SGCZ: variants seen among roughly 807,000 people sequenced by gnomAD.
SGCZ encodes the protein sarcoglycan zeta, also known as zeta-sarcoglycan.
A neutral mutation model predicts 41.3 loss-of-function variants in SGCZ; 40 were observed. That is an observed-to-expected ratio of 0.97 (90% CI 0.75 to 1.26). SGCZ has a LOEUF of 1.26. Ranked by LOEUF, SGCZ falls within the 50% of genes most tolerant of loss-of-function variation. The pLI, the probability that SGCZ is intolerant of heterozygous loss-of-function variation, is 0.00. For missense variants in SGCZ, 552 were observed against 369.8 expected, an observed-to-expected ratio of 1.49 and a Z score of -4.04; for synonymous variants, 206 against 137.5, an observed-to-expected ratio of 1.50 and a Z score of -3.49.
chr8:14,599,514 A>T (rs1805519917), intron 1 of SGCZ, among the ~76,000 whole-genome samples: 2 of 152,044 alleles, frequency 1.3e-5, no homozygotes, highest in South Asian at 4.1e-4. Context: ...TTCTCTAGTC[A>T]ATTTACCCTT....
At chr8:14,752,529 G>A (rs889519930) in intron 1 of SGCZ, among the ~76,000 whole-genome samples, 5 of 151,808 alleles carry the variant, frequency 3.3e-5, no homozygotes, top group African/African-American at 1.2e-4. Flanking sequence ...TCATTATCTA[G>A]CCCAATTGGT....
chr8:14,409,878 T>C (rs549314928), intron 2 of SGCZ, among the ~76,000 whole-genome samples: 1 of 152,290 alleles, frequency 6.6e-6, no homozygotes, highest in South Asian at 2.1e-4. Context: ...TTTATACACA[T>C]AATAAATATG....
At chr8:15,204,373 T>C (rs1800994313) in intron 1 of SGCZ, among the ~76,000 whole-genome samples, 1 of 152,190 alleles carries the variant, frequency 6.6e-6, no homozygotes, top group Non-Finnish European at 1.5e-5. Flanking sequence ...TTAAAGGTAC[T>C]TTAGATAGGA....
intron 1 of SGCZ, among the ~76,000 whole-genome samples, chr8:14,566,382 G>A (rs1434548865): frequency 1.3e-5 from 2 of 151,890 alleles, no homozygotes; most frequent in Admixed American, 6.6e-5. Context: ...ATAAGATGGG[G>A]CCAGTGTGGG....
At chr8:14,929,666 G>T (rs1585387916) in intron 1 of SGCZ, among the ~76,000 whole-genome samples, 1 of 152,028 alleles carries the variant, frequency 6.6e-6, no homozygotes. Context: ...ACCACCTTTT[G>T]TAAGGCCCTT....
At chr8:14,888,367 G>C (rs754611626) in intron 1 of SGCZ, among the ~76,000 whole-genome samples, 16 of 152,094 alleles carry the variant, frequency 1.1e-4, no homozygotes, top group Non-Finnish European at 1.5e-5. Context: ...AGGGCCATAC[G>C]TGAGAAGCTT....
chr8:14,911,426 C>A (rs994489922), intron 1 of SGCZ, among the ~76,000 whole-genome samples: 3 of 152,016 alleles, frequency 2.0e-5, no homozygotes, highest in African/African-American at 7.2e-5. Context: ...GAATCAAGAG[C>A]AGCTGCACAC....
At chr8:14,407,617 A>G (rs75708753) in intron 2 of SGCZ, among the ~76,000 whole-genome samples, 5,391 of 152,272 alleles carry the variant, frequency 0.035, 143 homozygotes, top group East Asian at 0.1. Context: ...TAAAAATATA[A>G]TTCATAACTG....
chr8:14,124,618 A>ATTGT (rs1489274862), intron 5 of SGCZ, among the ~76,000 whole-genome samples: 2 of 152,210 alleles, frequency 1.3e-5, no homozygotes, highest in African/African-American at 2.4e-5. Flanking sequence ...TTGCTCTGAC[A>ATTGT]TTGTTAGGCA....
chr8:15,203,206 T>C (rs980489714), intron 1 of SGCZ, among the ~76,000 whole-genome samples: 1 of 152,246 alleles, frequency 6.6e-6, no homozygotes, highest in Non-Finnish European at 1.5e-5. Context: ...TGGAAGTTTG[T>C]ATTCTTTCCA....
intron 1 of SGCZ, among the ~76,000 whole-genome samples, chr8:14,981,979 A>T (rs1262479889): frequency 2.0e-5 from 3 of 151,842 alleles, no homozygotes; most frequent in African/African-American, 4.8e-5. Flanking sequence ...GTGAAACCCC[A>T]TCTCTACTAA....
intron 2 of SGCZ, among the ~76,000 whole-genome samples, chr8:14,485,686 T>A (rs2117014857): frequency 6.6e-6 from 1 of 152,280 alleles, no homozygotes; most frequent in South Asian, 2.1e-4. Context: ...TAACAGAAGC[T>A]TATATCTGAA....
intron 1 of SGCZ, among the ~76,000 whole-genome samples, chr8:15,095,256 C>A (rs1230840732): frequency 1.3e-5 from 2 of 151,970 alleles, no homozygotes; most frequent in Non-Finnish European, 2.9e-5. Flanking sequence ...GTGCCATCAC[C>A]CCTAGCTAAT....
rs1243054609 is a variant in SGCZ, at chr8:15,230,884, C to T, written c.39+6701G>A. On this transcript the variant is annotated intron_variant, in intron 1 of 7. Transcript: ENST00000382080. ...CAAAACCCTTTCAAAAAATCTAATC[C>T]CCACCGTGCAATGCTTGAGAATCCC... 2.0e-5 allele frequency among the ~76,000 whole-genome samples: 3 copies of T among 152,126 alleles called. No individual in the cohort carries two copies. The South Asian group carries it at 6.2e-4, about 31-fold the overall frequency.
rs1446836973 is a variant in SGCZ, at chr8:14,213,920, C to T, written c.424+23672G>A. On this transcript the variant is annotated intron_variant, in intron 4 of 7. Transcript: ENST00000382080. ...ATATCATTTATGTAGCTACTTTACC[C>T]TTAAGGTGGAAAAACTTAACTCCCA... Among the ~76,000 whole-genome samples, 4 of 151,996 alleles carry T rather than the reference C, an allele frequency of 2.6e-5. No individual in the cohort carries two copies. In the East Asian group the frequency reaches 5.8e-4, roughly 22 times the overall value.
intron 1 of SGCZ, among the ~76,000 whole-genome samples, chr8:14,960,902 G>C (rs866895803): frequency 1.6e-4 from 24 of 149,224 alleles, no homozygotes; most frequent in Non-Finnish European, 1.6e-4. Flanking sequence ...AAAGCACAAG[G>C]AATATTATCT....
chr8:14,269,080 G>A (rs1052095453), intron 3 of SGCZ, among the ~76,000 whole-genome samples: 27 of 151,706 alleles, frequency 1.8e-4, no homozygotes, highest in African/African-American at 6.5e-4. Context: ...AATTATAAGT[G>A]TTTCACTCTT....
chr8:14,162,662 T>C (rs1563161200), intron 5 of SGCZ: 1 of 152,176 alleles, frequency 6.6e-6, no homozygotes, highest in Non-Finnish European at 1.5e-5. Flanking sequence ...AAAATGGACA[T>C]CAACCAGGTG....
At chr8:14,587,027 T>TAAA (rs11399140) in intron 1 of SGCZ, among the ~76,000 whole-genome samples, 1 of 147,488 alleles carries the variant, frequency 6.8e-6, no homozygotes, top group Non-Finnish European at 1.5e-5. Context: ...TTTCTTACAT[T>TAAA]AAAAAAAAAA....
Sources: allele counts gnomAD v4.1 joint callset (sites outside exome capture counted in the v4.1 genomes callset), GRCh38; gene constraint gnomAD v4.1.1; transcripts MANE v1.5; gene names NCBI Gene and HGNC (gene_info 2026-07-23, HGNC 2026-07-21).